Variants in PTPRA observed in about 807,000 individuals in gnomAD.
PTPRA encodes the protein protein tyrosine phosphatase receptor type A.
PTPRA carries 25 observed loss-of-function variants against 104.8 expected under a neutral mutation model. The ratio of observed to expected loss-of-function variants is 0.24; its 90% CI spans 0.17 to 0.33. PTPRA has a LOEUF of 0.33. PTPRA is among the 10% of genes least tolerant of loss of function. The pLI is 1.00. For synonymous variants in PTPRA, 323 were observed against 368.9 expected, an observed-to-expected ratio of 0.88 and a Z score of 1.43; for missense variants, 765 against 1,015.3, an observed-to-expected ratio of 0.75 and a Z score of 3.35.
In PTPRA at chr20:3,035,931, G is replaced by T. The variant is rs778906145; in HGVS notation, c.2188G>T (p.Val730Leu). Reference sequence around the variant, plus strand: ...GCAGTCAGGGAACCACCCCATCACCGTGCACTGCAGGTATGGCTCACCCTT... The same window carrying T: ...GCAGTCAGGGAACCACCCCATCACCTTGCACTGCAGGTATGGCTCACCCTT... ...QQQSGNHPIT[V>L]HCSAGAGRTG... The change falls in exon 22 of 24, where the codon GTG (valine) becomes TTG (leucine). Residue 730 changes from valine (V) to leucine (L), a missense_variant. Physicochemically the swap from Val to Leu is conservative, Grantham distance 32 (BLOSUM62 1). Coordinates refer to ENST00000399903, the MANE Select transcript of PTPRA (RefSeq NM_001385305.1). The surrounding 1 kb of genome is among the most constrained non-coding windows in gnomAD (Gnocchi z 5.8). 6.2e-7 allele frequency: 1 copy of T among 1,613,560 alleles called. No homozygotes were observed. Among genetic ancestry groups the T allele is most frequent in the South Asian group, 1.1e-5 (1 of 91,064 alleles).
intron 1 of PTPRA, among the ~76,000 whole-genome samples, chr20:2,898,189 C>T (rs200897123): frequency 1.4e-4 from 21 of 152,046 alleles, no homozygotes; most frequent in African/African-American, 3.4e-4. Flanking sequence ...CTCCGCCTCT[C>T]GGGTTCACGC....
upstream of PTPRA, among the ~76,000 whole-genome samples, chr20:2,872,477 C>CT (rs1190669205): frequency 6.6e-6 from 1 of 152,262 alleles, no homozygotes; most frequent in Non-Finnish European, 1.5e-5. This position sits in a 1 kb window ranked among gnomAD's most constrained non-coding sequence, Gnocchi z 7.9. Context: ...ACTGTGCAAT[C>CT]TGTCTTTTGC....
chr20:2,964,237 T>A, intron 3 of PTPRA, 35 bp from the exon 4 acceptor site: 1 of 1,511,324 alleles, frequency 6.6e-7, no homozygotes, highest in Non-Finnish European at 9.1e-7. Flanking sequence ...CCTGATAATA[T>A]AGGACCTCAT....
chr20:2,907,311 GA>G (rs200246403), intron 1 of PTPRA, among the ~76,000 whole-genome samples: 6,558 of 139,750 alleles, frequency 0.047, 312 homozygotes, highest in Admixed American at 0.12. Context: ...AAGCTGAAAA[GA>G]AAAAAAAAAA....
At chr20:2,875,133 A>G (rs181552421) in intron 1 of PTPRA, among the ~76,000 whole-genome samples, 1 of 152,036 alleles carries the variant, frequency 6.6e-6, no homozygotes, top group East Asian at 1.9e-4. Flanking sequence ...GGCTCTGTTT[A>G]TTTCCCGGTA....
intron 9 of PTPRA, among the ~76,000 whole-genome samples, chr20:2,998,154 G>T (rs2063476761): frequency 6.8e-6 from 1 of 146,830 alleles, no homozygotes; most frequent in South Asian, 2.2e-4. Flanking sequence ...CAGCCTCCTG[G>T]CTACCAGAGT....
chr20:2,928,198 C>T lies in PTPRA; in HGVS notation c.-50+4913C>T, dbSNP rs541085219. Among the ~76,000 whole-genome samples, 12 of 152,096 alleles carry T rather than the reference C, an allele frequency of 7.9e-5. No individual in the cohort carries two copies. In the South Asian group the frequency reaches 2.3e-3, roughly 29 times the overall value. The stretch of plus-strand genomic sequence containing the variant: ...TTGCCCAGGCTGGAGTGCAGTGGCG[C>T]GATCTTGGCTCACTGCAAGCTTCGC... On this transcript the variant is annotated intron_variant, in intron 2 of 23. Coordinates refer to ENST00000399903, the MANE Select transcript of PTPRA (RefSeq NM_001385305.1).
chr20:2,884,091 GAAT>G (rs1303500623), intron 1 of PTPRA, among the ~76,000 whole-genome samples: 1 of 152,098 alleles, frequency 6.6e-6, no homozygotes, highest in Non-Finnish European at 1.5e-5. Context: ...TCTTATGGCT[GAAT>G]AATAATCCAT....
rs1461475747 is a variant in PTPRA at position 3,037,897 on chromosome 20, CT to C, written c.2335-161del. ...CTGCATTCAGCCCGGAAGGGGAATG[CT>C]GTCAGAACTCTGGCAGGCAGATCAG... On this transcript the variant is annotated intron_variant, in intron 23 of 23. Transcript: ENST00000399903. The surrounding 1 kb of genome is among the most constrained non-coding windows in gnomAD (Gnocchi z 4.3). Among the ~76,000 whole-genome samples, 2 of 152,212 alleles carry C rather than the reference CT, an allele frequency of 1.3e-5. No homozygotes were observed. Among genetic ancestry groups the C allele is most frequent in the Non-Finnish European group, 2.9e-5 (2 of 68,038 alleles).
rs777247708 is a variant in PTPRA, at chr20:2,888,833, CA to C, written c.-129+15075del. On this transcript the variant is annotated intron_variant, in intron 1 of 23. Transcript: ENST00000399903. ...TACTTAAGTTTGGTATTTCAAGTAA[CA>C]ATAAGGGAAGATAGGAGAGTTTTAT... Among the ~76,000 whole-genome samples the C allele has an allele frequency of 2.2e-4, 33 of 152,114 alleles. No homozygotes were observed. The East Asian group carries it at 5.8e-3, about 27-fold the overall frequency.
At chr20:2,915,294 T>C (rs1297657839) in intron 1 of PTPRA, among the ~76,000 whole-genome samples, 5 of 152,200 alleles carry the variant, frequency 3.3e-5, no homozygotes, top group African/African-American at 9.7e-5. Flanking sequence ...TCATTGTATG[T>C]ATAATACCAC....
intron 3 of PTPRA, among the ~76,000 whole-genome samples, chr20:2,956,807 G>C (rs1297204627): frequency 6.6e-6 from 1 of 152,066 alleles, no homozygotes; most frequent in Non-Finnish European, 1.5e-5. Context: ...TTGTACATGG[G>C]TCACTTTGAA....
intron 6 of PTPRA, among the ~76,000 whole-genome samples, chr20:2,979,226 A>G (rs919710551): frequency 6.6e-6 from 1 of 152,236 alleles, no homozygotes; most frequent in African/African-American, 2.4e-5. Flanking sequence ...GAATTTTTTC[A>G]GAATACATCT....
At chr20:3,012,088 G>A (rs2064198037) in intron 11 of PTPRA, among the ~76,000 whole-genome samples, 1 of 152,204 alleles carries the variant, frequency 6.6e-6, no homozygotes, top group African/African-American at 2.4e-5. Context: ...AGATAGTCAA[G>A]CTAGAAGGGA....
chr20:2,864,535 CT>C, the PTPRA span: 1 of 1,614,160 alleles, frequency 6.2e-7, no homozygotes, highest in Non-Finnish European at 8.5e-7. This position sits in a 1 kb window ranked among gnomAD's most constrained non-coding sequence, Gnocchi z 5.2. Flanking sequence ...GATTGCCTGC[CT>C]GTGGCCCCAG....
At chr20:2,890,083 A>G (rs1468666503) in intron 1 of PTPRA, among the ~76,000 whole-genome samples, 1 of 145,360 alleles carries the variant, frequency 6.9e-6, no homozygotes, top group Non-Finnish European at 1.5e-5. Flanking sequence ...TTTTTTGTAG[A>G]GATGAGGCCT....
chr20:2,896,377 TCAAAAA>T lies in PTPRA; in HGVS notation c.-129+22630_-129+22635del, dbSNP rs368536505. 8.1e-3 allele frequency among the ~76,000 whole-genome samples: 1,231 copies of T among 152,254 alleles called. 12 individuals carry two copies. The highest frequency in any genetic ancestry group is 0.026 in the South Asian group (127 of 4,810). ...CTGTGCAACAGAGGGAGACTCCGTC[TCAAAAA>T]CAAAAACAAAAAACAAACGAAAACA... On this transcript the variant is annotated intron_variant, in intron 1 of 23. Transcript: ENST00000399903.
intron 1 of PTPRA, among the ~76,000 whole-genome samples, chr20:2,908,051 T>C (rs937302546): frequency 2.0e-5 from 3 of 152,206 alleles, no homozygotes; most frequent in Admixed American, 6.5e-5. Context: ...AATTCACTTA[T>C]CACTAGAATA....
intron 1 of PTPRA, among the ~76,000 whole-genome samples, chr20:2,910,010 TC>T (rs1174314463): frequency 2.1e-4 from 11 of 52,280 alleles, no homozygotes; most frequent in African/African-American, 5.8e-4. Flanking sequence ...CTATCATATA[TC>T]ATATATAATC....
Sources: allele counts gnomAD v4.1 joint callset (sites outside exome capture counted in the v4.1 genomes callset), GRCh38; gene constraint gnomAD v4.1.1; non-coding constraint Gnocchi (gnomAD v3.1); transcripts MANE v1.5; gene names NCBI Gene and HGNC (gene_info 2026-07-23, HGNC 2026-07-21).